Variants in IMMP2L observed in about 807,000 individuals in gnomAD.
The protein encoded by IMMP2L is inner mitochondrial membrane peptidase subunit 2.
In IMMP2L, 18 loss-of-function variants were observed where a neutral mutation model predicts 19.3. The ratio of observed to expected loss-of-function variants is 0.93; its 90% confidence interval spans 0.64 to 1.38. The LOEUF is 1.38. IMMP2L is among the 40% of genes most tolerant of loss of function. The pLI is 0.00. For synonymous variants in IMMP2L, 76 were observed against 73.0 expected (o/e 1.04, Z -0.21); for missense variants, 233 against 218.2 (o/e 1.07, Z -0.43).
At chr7:111,465,501 T>TAAAAAAAAA (rs757362734) in intron 3 of IMMP2L, among the ~76,000 whole-genome samples, 10 of 64,272 alleles carry the variant, frequency 1.6e-4, no homozygotes, top group African/African-American at 3.1e-4. Context: ...CAGGTGTCAC[T>TAAAAAAAAA]AAAAAAAAAA....
chr7:111,497,833 T>A (rs927995167), intron 2 of IMMP2L, among the ~76,000 whole-genome samples: 10 of 151,838 alleles, frequency 6.6e-5, no homozygotes, highest in Non-Finnish European at 1.5e-5. Flanking sequence ...TAAACTAATA[T>A]ATATAAAGTC....
intron 3 of IMMP2L, among the ~76,000 whole-genome samples, chr7:111,299,497 T>C (rs1336751870): frequency 6.6e-6 from 1 of 151,814 alleles, no homozygotes; most frequent in African/African-American, 2.4e-5. Flanking sequence ...AACAAGAGTT[T>C]GTCATTTTCA....
intron 3 of IMMP2L, among the ~76,000 whole-genome samples, chr7:111,429,502 A>C (rs1321913601): frequency 6.6e-6 from 1 of 151,836 alleles, no homozygotes; most frequent in Non-Finnish European, 1.5e-5. Flanking sequence ...TGAATTCAAC[A>C]GCAGGATAAT....
At chr7:111,176,803 CA>C (rs144820382) in intron 3 of IMMP2L, among the ~76,000 whole-genome samples, 9,596 of 151,694 alleles carry the variant, frequency 0.063, 613 homozygotes, top group African/African-American at 0.16. Context: ...GAACCATAAA[CA>C]AAAAATAAAT....
chr7:111,147,850 G>A (rs77584674), intron 3 of IMMP2L, among the ~76,000 whole-genome samples: 1 of 152,256 alleles, frequency 6.6e-6, no homozygotes, highest in East Asian at 1.9e-4. Flanking sequence ...TGCTTGCAAT[G>A]TTCCAAGAAG....
At chr7:111,329,432 C>T (rs570154254) in intron 3 of IMMP2L, among the ~76,000 whole-genome samples, 2 of 151,926 alleles carry the variant, frequency 1.3e-5, no homozygotes, top group African/African-American at 4.8e-5. Flanking sequence ...TCATGGAGAC[C>T]AAGAGCAGTT....
intron 3 of IMMP2L, among the ~76,000 whole-genome samples, chr7:111,338,646 C>T (rs1563076698): frequency 6.6e-6 from 1 of 152,062 alleles, no homozygotes; most frequent in Non-Finnish European, 1.5e-5. Context: ...TATCTAGCAT[C>T]ATTTAGCCAG....
At chr7:111,389,138 C>A (rs1832085348) in intron 3 of IMMP2L, among the ~76,000 whole-genome samples, 1 of 152,080 alleles carries the variant, frequency 6.6e-6, no homozygotes, top group African/African-American at 2.4e-5. Context: ...GAGAACATAG[C>A]ATCGCTTTTG....
chr7:111,207,137 G>A (rs1185294900), intron 3 of IMMP2L, among the ~76,000 whole-genome samples: 1 of 152,108 alleles, frequency 6.6e-6, no homozygotes, highest in Non-Finnish European at 1.5e-5. Flanking sequence ...TTAAGATACT[G>A]CCCTGGTTAG....
chr7:110,980,363 G>C (rs1488926472), intron 3 of IMMP2L, among the ~76,000 whole-genome samples: 3 of 151,284 alleles, frequency 2.0e-5, no homozygotes, highest in African/African-American at 7.3e-5. Context: ...CGAGTAGCTG[G>C]GACTACAGGC....
intron 4 of IMMP2L, among the ~76,000 whole-genome samples, chr7:110,937,936 C>T (rs6466365): frequency 0.64 from 97,592 of 151,994 alleles, 32,218 homozygotes; most frequent in African/African-American, 0.78. Flanking sequence ...CAAAGACTTA[C>T]TGAAACATTT....
At chr7:111,326,816 G>A (rs1351976520) in intron 3 of IMMP2L, among the ~76,000 whole-genome samples, 1 of 151,732 alleles carries the variant, frequency 6.6e-6, no homozygotes, top group African/African-American at 2.4e-5. Context: ...ACCATTTCTT[G>A]GAGCAATCCC....
chr7:110,864,726 C>G (rs1178281717), intron 5 of IMMP2L, among the ~76,000 whole-genome samples: 1 of 152,006 alleles, frequency 6.6e-6, no homozygotes. Flanking sequence ...ATATGCTAGA[C>G]ACGCTGCATG....
intron 3 of IMMP2L, among the ~76,000 whole-genome samples, chr7:111,062,578 G>A (rs1238163728): frequency 1.3e-5 from 2 of 152,180 alleles, no homozygotes; most frequent in Middle Eastern, 3.2e-3. Flanking sequence ...ACAGTCTAAT[G>A]TCTCATCTGA....
chr7:111,004,024 T>C (rs1180972721), intron 3 of IMMP2L, among the ~76,000 whole-genome samples: 1 of 152,196 alleles, frequency 6.6e-6, no homozygotes, highest in Non-Finnish European at 1.5e-5. Flanking sequence ...ATGGATTCTC[T>C]GAATGAAAGG....
In IMMP2L at chr7:111,450,845, A is replaced by C. The variant is rs1179431674; in HGVS notation, c.239+36393T>G. On this transcript the variant is annotated intron_variant, in intron 3 of 5. Coordinates refer to ENST00000405709, the MANE Select transcript of IMMP2L (RefSeq NM_032549.4). ...GGCTAATATCCAGAATCTACAATGAACTCAAACAAATTTACAAGAAAAAAA... is the reference window on the plus strand; with the variant it reads ...GGCTAATATCCAGAATCTACAATGACCTCAAACAAATTTACAAGAAAAAAA... 3.3e-5 allele frequency among the ~76,000 whole-genome samples: 5 copies of C among 149,882 alleles called. No individual in the cohort carries two copies. In the South Asian group the frequency reaches 1.0e-3, roughly 31 times the overall value.
chr7:111,519,289 G>A (rs1332798553), intron 2 of IMMP2L, among the ~76,000 whole-genome samples: 1 of 152,152 alleles, frequency 6.6e-6, no homozygotes, highest in Non-Finnish European at 1.5e-5. Context: ...CGGCATCCAA[G>A]TCCTGGCTCT....
intron 1 of IMMP2L, among the ~76,000 whole-genome samples, chr7:111,536,863 T>C (rs1337086522): frequency 6.6e-6 from 1 of 152,170 alleles, no homozygotes; most frequent in East Asian, 1.9e-4. Context: ...CTATTTAAAA[T>C]GTACAATGTT....
intron 3 of IMMP2L, among the ~76,000 whole-genome samples, chr7:111,098,007 G>A (rs1797586582): frequency 6.6e-6 from 1 of 151,794 alleles, no homozygotes; most frequent in Non-Finnish European, 1.5e-5. Context: ...CTGTAGCATT[G>A]AAAAGAAAGT....
Sources: allele counts gnomAD v4.1 joint callset (sites outside exome capture counted in the v4.1 genomes callset), GRCh38; gene constraint gnomAD v4.1.1; transcripts MANE v1.5; gene names NCBI Gene and HGNC (gene_info 2026-07-23, HGNC 2026-07-21).